The following TMEM132B variants were observed in gnomAD, a reference collection of about 807,000 sequenced individuals.
TMEM132B encodes transmembrane protein 132B.
A neutral mutation model predicts 90.8 loss-of-function variants in TMEM132B; 18 were observed. The ratio of observed to expected loss-of-function variants is 0.20; its 90% CI spans 0.14 to 0.29. TMEM132B has a LOEUF of 0.29. Ranked by LOEUF, TMEM132B falls within the 10% of genes least tolerant of loss-of-function variation. The pLI is 1.00. For missense variants in TMEM132B, 1,096 were observed against 1,326.8 expected, an observed-to-expected ratio of 0.83 and a Z score of 2.70; for synonymous variants, 504 against 523.3, an observed-to-expected ratio of 0.96 and a Z score of 0.50.
At chr12:125,432,757 C>T (rs80075253) in intron 3 of TMEM132B, among the ~76,000 whole-genome samples, 2,507 of 152,028 alleles carry the variant, frequency 0.016, 61 homozygotes, top group African/African-American at 0.057. Flanking sequence ...CTGGCTCATC[C>T]GTCCCTTTGA....
chr12:125,299,424 G>T (rs114925955), intron 1 of TMEM132B, among the ~76,000 whole-genome samples: 1,835 of 152,134 alleles, frequency 0.012, 35 homozygotes, highest in African/African-American at 0.042. Context: ...AATGATCCAG[G>T]ACCTGGTCCT....
intron 3 of TMEM132B, among the ~76,000 whole-genome samples, chr12:125,513,057 T>A (rs1014679884): frequency 3.3e-5 from 5 of 152,168 alleles, no homozygotes; most frequent in African/African-American, 7.2e-5. Flanking sequence ...TCTAGCCCAG[T>A]CCTCAAAGCT....
intron 1 of TMEM132B, among the ~76,000 whole-genome samples, chr12:125,197,547 T>G (rs1215195899): frequency 6.6e-6 from 1 of 152,232 alleles, no homozygotes; most frequent in African/African-American, 2.4e-5. Context: ...AACACAGCGG[T>G]GCCTATTTGT....
At chr12:125,495,644 G>A (rs1882542368) in intron 3 of TMEM132B, among the ~76,000 whole-genome samples, 1 of 152,144 alleles carries the variant, frequency 6.6e-6, no homozygotes, top group Non-Finnish European at 1.5e-5. Flanking sequence ...GTGGAATCCT[G>A]GTTCCTGCTG....
rs1180453535 is a variant in TMEM132B at position 125,445,123 on chromosome 12, C to T, written c.1106+29446C>T. Among the ~76,000 whole-genome samples the T allele has an allele frequency of 6.6e-6, 1 of 152,044 alleles. No individual in the cohort carries two copies. The highest frequency in any genetic ancestry group is 1.5e-5 in the Non-Finnish European group (1 of 68,002). ...TGCTTATTTGATAAGTGTAAAGATA[C>T]AGTCAATTATTTGCTACATTGATTT... On this transcript the variant is annotated intron_variant, in intron 3 of 8. Coordinates refer to ENST00000682704, the MANE Select transcript of TMEM132B (RefSeq NM_001366854.1). The surrounding 1 kb of genome is among the most constrained non-coding windows in gnomAD (Gnocchi z 4.3).
intron 1 of TMEM132B, among the ~76,000 whole-genome samples, chr12:125,346,965 T>A (rs1480464330): frequency 6.6e-6 from 1 of 152,242 alleles, no homozygotes; most frequent in Non-Finnish European, 1.5e-5. Context: ...ATTTCCCTAA[T>A]GACAGGTTTT....
chr12:125,600,560 A>G (rs1172569999), intron 5 of TMEM132B, among the ~76,000 whole-genome samples: 1 of 152,218 alleles, frequency 6.6e-6, no homozygotes, highest in Non-Finnish European at 1.5e-5. Context: ...GGGCATATTA[A>G]CTGAGTAAAT....
At chr12:125,285,419 T>TGCAC (rs1875322153) in intron 1 of TMEM132B, among the ~76,000 whole-genome samples, 1 of 152,238 alleles carries the variant, frequency 6.6e-6, no homozygotes, top group Admixed American at 6.5e-5. Context: ...TGCGTGGTCG[T>TGCAC]GGCTCAGCGT....
intron 1 of TMEM132B, among the ~76,000 whole-genome samples, chr12:125,339,130 G>A (rs1224542898): frequency 2.6e-5 from 4 of 152,172 alleles, no homozygotes; most frequent in Non-Finnish European, 5.9e-5. Flanking sequence ...AAGGTGGAAA[G>A]CAGGGAAGTC....
rs545649959 is a variant in TMEM132B at position 125,234,751 on chromosome 12, A to G, written c.67+47885A>G. Among the ~76,000 whole-genome samples, 3 of 152,290 alleles carry G rather than the reference A, an allele frequency of 2.0e-5. No individual in the cohort carries two copies. In the East Asian group the frequency reaches 5.8e-4, roughly 29 times the overall value. On this transcript the variant is annotated intron_variant, in intron 1 of 8. Transcript: ENST00000682704. ...GTTCTGTGTGTCACCAGACACCAGGATGCACCTAAAATGATAACACCTCCA... is the reference window on the plus strand; with the variant it reads ...GTTCTGTGTGTCACCAGACACCAGGGTGCACCTAAAATGATAACACCTCCA...
At chr12:125,552,413 G>A (rs1008199951) in intron 4 of TMEM132B, among the ~76,000 whole-genome samples, 4 of 152,216 alleles carry the variant, frequency 2.6e-5, no homozygotes, top group Admixed American at 2.0e-4. Context: ...GGAAGGGCAG[G>A]AGCAGAGCTG....
intron 1 of TMEM132B, among the ~76,000 whole-genome samples, chr12:125,292,246 G>A (rs1456983290): frequency 2.6e-5 from 4 of 152,114 alleles, no homozygotes; most frequent in Non-Finnish European, 5.9e-5. Flanking sequence ...TATATAATTT[G>A]TTGCTTAGAA....
At chr12:125,199,514 C>A (rs1180464647) in intron 1 of TMEM132B, among the ~76,000 whole-genome samples, 2 of 152,114 alleles carry the variant, frequency 1.3e-5, no homozygotes, top group Admixed American at 6.5e-5. Flanking sequence ...ATGCTTGGGG[C>A]ATCTCTGGGG....
intron 3 of TMEM132B, among the ~76,000 whole-genome samples, chr12:125,449,830 T>C (rs1826335): frequency 0.55 from 83,438 of 151,690 alleles, 24,361 homozygotes; most frequent in African/African-American, 0.76. Flanking sequence ...TTGGTAGGGG[T>C]GTAACAATTC....
At chr12:125,579,755 A>G (rs1259959882) in intron 4 of TMEM132B, among the ~76,000 whole-genome samples, 7 of 152,234 alleles carry the variant, frequency 4.6e-5, no homozygotes, top group Admixed American at 3.3e-4. Flanking sequence ...TTTGTGTAGT[A>G]GGTCCAATAC....
chr12:125,552,884 G>A (rs942369331), intron 4 of TMEM132B, among the ~76,000 whole-genome samples: 1 of 152,260 alleles, frequency 6.6e-6, no homozygotes, highest in African/African-American at 2.4e-5. Context: ...GAGCGGCAGA[G>A]GGCCATCAGG....
intron 1 of TMEM132B, among the ~76,000 whole-genome samples, chr12:125,335,940 TTG>T (rs1876941872): frequency 6.6e-6 from 1 of 152,110 alleles, no homozygotes. Flanking sequence ...TGAGCCAAGA[TTG>T]CGCCACTGCA....
intron 1 of TMEM132B, among the ~76,000 whole-genome samples, chr12:125,331,236 C>G (rs1876762323): frequency 6.6e-6 from 1 of 152,230 alleles, no homozygotes; most frequent in African/African-American, 2.4e-5. Context: ...CGTTGCTGCC[C>G]CAGGAGTCCG....
At chr12:125,478,944 G>A (rs1313556832) in intron 3 of TMEM132B, among the ~76,000 whole-genome samples, 2 of 152,164 alleles carry the variant, frequency 1.3e-5, no homozygotes, top group East Asian at 3.8e-4. Flanking sequence ...AGAAGAGAGT[G>A]GGGGCCAATA....
Sources: allele counts gnomAD v4.1 joint callset (sites outside exome capture counted in the v4.1 genomes callset), GRCh38; gene constraint gnomAD v4.1.1; non-coding constraint Gnocchi (gnomAD v3.1); transcripts MANE v1.5; gene names NCBI Gene and HGNC (gene_info 2026-07-23, HGNC 2026-07-21).